WDFY2: variants seen among roughly 807,000 people sequenced by gnomAD.
The protein encoded by WDFY2 is WD repeat and FYVE domain containing 2.
Under a neutral mutation model 56.4 loss-of-function variants are expected in WDFY2, and 36 were observed. The ratio of observed to expected loss-of-function variants is 0.64; its 90% CI spans 0.49 to 0.84. The LOEUF is 0.84. Among genes scored for constraint, WDFY2 ranks in the 40% least tolerant of loss-of-function variants. The pLI is 0.00. For synonymous variants in WDFY2, 176 were observed against 183.7 expected (o/e 0.96, Z 0.34); for missense variants, 444 against 512.2 (o/e 0.87, Z 1.29).
intron 4 of WDFY2, among the ~76,000 whole-genome samples, chr13:51,716,901 C>A (rs1395071305): frequency 1.3e-5 from 2 of 151,904 alleles, no homozygotes; most frequent in Non-Finnish European, 2.9e-5. Context: ...TCAATGTAAT[C>A]CATTACGTCA....
intron 1 of WDFY2, among the ~76,000 whole-genome samples, chr13:51,622,834 A>G (rs975835099): frequency 1.4e-4 from 21 of 150,786 alleles, no homozygotes; most frequent in Non-Finnish European, 3.0e-5. Context: ...TTAAAAGTGA[A>G]GGTATGCTTA....
chr13:51,757,461 A>AAG (rs72514752), intron 10 of WDFY2, among the ~76,000 whole-genome samples: 32,147 of 151,754 alleles, frequency 0.21, 3,737 homozygotes, highest in South Asian at 0.34. Flanking sequence ...AAAAAGGAAA[A>AAG]AAAAAAATTG....
At chr13:51,675,343 T>A in intron 3 of WDFY2, 100 bp downstream of exon 3, 2 of 1,132,576 alleles carry the variant, frequency 1.8e-6, no homozygotes, top group South Asian at 1.4e-5. Flanking sequence ...AAGAATTTTC[T>A]TGCTAAGTAG....
At chr13:51,596,592 G>A (rs1954154737) in intron 1 of WDFY2, among the ~76,000 whole-genome samples, 1 of 152,210 alleles carries the variant, frequency 6.6e-6, no homozygotes, top group Non-Finnish European at 1.5e-5. Context: ...CTGACTCCAA[G>A]TGAATGGGCT....
intron 8 of WDFY2, among the ~76,000 whole-genome samples, chr13:51,754,567 C>T (rs549223800): frequency 8.5e-5 from 13 of 152,286 alleles, no homozygotes; most frequent in East Asian, 7.7e-4. Context: ...TTTTTATTTG[C>T]ATTCTCTGCT....
At chr13:51,688,302 G>A (rs1956095048) in intron 3 of WDFY2, among the ~76,000 whole-genome samples, 1 of 152,256 alleles carries the variant, frequency 6.6e-6, no homozygotes, top group Non-Finnish European at 1.5e-5. Context: ...CATGTAATGC[G>A]TTGTCACCTG....
At chr13:51,616,806 A>G (rs1789108991) in intron 1 of WDFY2, among the ~76,000 whole-genome samples, 1 of 152,258 alleles carries the variant, frequency 6.6e-6, no homozygotes, top group African/African-American at 2.4e-5. Flanking sequence ...TCAACAGGGT[A>G]CTATGAGATG....
chr13:51,678,239 T>C (rs1955919651), intron 3 of WDFY2, among the ~76,000 whole-genome samples: 1 of 152,230 alleles, frequency 6.6e-6, no homozygotes, highest in East Asian at 1.9e-4. Context: ...GAAAAGTCTG[T>C]CTCTTCCATT....
At chr13:51,657,070 CCTT>C (rs1955522175) in intron 1 of WDFY2, among the ~76,000 whole-genome samples, 1 of 151,814 alleles carries the variant, frequency 6.6e-6, no homozygotes. Flanking sequence ...TCCACTATTG[CCTT>C]CTTCTACGTT....
intron 1 of WDFY2, among the ~76,000 whole-genome samples, chr13:51,635,040 G>A (rs566996521): frequency 1.1e-3 from 168 of 152,244 alleles, no homozygotes; most frequent in Admixed American, 1.6e-3. Context: ...CCAGGTTCAA[G>A]CAATTCTCCT....
intron 3 of WDFY2, among the ~76,000 whole-genome samples, chr13:51,692,907 C>T (rs1409467521): frequency 3.3e-5 from 5 of 152,172 alleles, no homozygotes; most frequent in African/African-American, 7.2e-5. Context: ...TCAACTTCTT[C>T]CTGGTTTAGT....
intron 1 of WDFY2, among the ~76,000 whole-genome samples, chr13:51,634,223 A>C (rs1955004629): frequency 6.6e-6 from 1 of 152,052 alleles, no homozygotes. Context: ...GGGCTTTAAC[A>C]ACCAAGAACT....
chr13:51,650,962 C>T lies in WDFY2; in HGVS notation c.138-9634C>T, dbSNP rs1248776757. Among the ~76,000 whole-genome samples, 52 of 152,224 alleles carry T rather than the reference C, an allele frequency of 3.4e-4. 1 individual carries two copies. Among genetic ancestry groups the T allele is most frequent in the Non-Finnish European group, 2.6e-4 (18 of 68,000 alleles). ...TTAGGGAGGATTCCCTCTTTTTCTA[C>T]TGATTGGAATAGTTTCAGAAGGAAT... On this transcript the variant is annotated intron_variant, in intron 1 of 11. Coordinates refer to ENST00000298125, the MANE Select transcript of WDFY2 (RefSeq NM_052950.4).
chr13:51,630,687 C>T (rs1328424647), intron 1 of WDFY2, among the ~76,000 whole-genome samples: 1 of 151,376 alleles, frequency 6.6e-6, no homozygotes, highest in Non-Finnish European at 1.5e-5. Context: ...TTTGGTCTTA[C>T]CCTTGGCTTT....
intron 1 of WDFY2, among the ~76,000 whole-genome samples, chr13:51,641,804 CGACA>C (rs1184657569): frequency 8.9e-6 from 1 of 112,926 alleles, no homozygotes; most frequent in South Asian, 3.1e-4. Flanking sequence ...CCAGCCTGGG[CGACA>C]GAGCGAGACT....
intron 3 of WDFY2, among the ~76,000 whole-genome samples, chr13:51,685,211 CTCTT>C (rs1956040970): frequency 1.3e-5 from 2 of 152,208 alleles, no homozygotes; most frequent in African/African-American, 4.8e-5. Flanking sequence ...AGTTGAAAGA[CTCTT>C]TGTAAGAATT....
chr13:51,691,027 A>G (rs1277396756), intron 3 of WDFY2, among the ~76,000 whole-genome samples: 1 of 152,054 alleles, frequency 6.6e-6, no homozygotes, highest in Non-Finnish European at 1.5e-5. Context: ...TCCTTCACCC[A>G]CTTTTTGATG....
intron 1 of WDFY2, among the ~76,000 whole-genome samples, chr13:51,654,711 A>G (rs770860731): frequency 7.2e-5 from 11 of 152,262 alleles, no homozygotes; most frequent in Non-Finnish European, 1.5e-4. Context: ...GGCTTTGTAT[A>G]GTAAAATTCA....
intron 5 of WDFY2, among the ~76,000 whole-genome samples, chr13:51,726,800 T>G (rs1399660304): frequency 6.6e-6 from 1 of 152,246 alleles, no homozygotes; most frequent in Admixed American, 6.5e-5. Context: ...TATTAATAGT[T>G]CCATTCAAAT....
Sources: gnomAD v4.1 joint callset for allele counts (sites outside exome capture counted in the v4.1 genomes callset) on GRCh38, gnomAD v4.1.1 for gene constraint, MANE v1.5 for transcripts, NCBI Gene and HGNC (gene_info 2026-07-23, HGNC 2026-07-21) for gene names.